BMPR1B: variants seen among roughly 807,000 people sequenced by gnomAD.
The protein encoded by BMPR1B is bone morphogenetic protein receptor type 1B.
Under a neutral mutation model 59.1 loss-of-function variants are expected in BMPR1B, and 12 were observed. The ratio of observed to expected loss-of-function variants is 0.20; its 90% CI spans 0.13 to 0.33. BMPR1B has a LOEUF of 0.33. Ranked by LOEUF, BMPR1B falls within the 10% of genes least tolerant of loss-of-function variation. BMPR1B has a pLI of 1.00. For synonymous variants in BMPR1B, 237 were observed against 207.3 expected (o/e 1.14, Z -1.23); for missense variants, 550 against 610.9 (o/e 0.90, Z 1.05).
intron 2 of BMPR1B, among the ~76,000 whole-genome samples, chr4:94,934,393 T>G (rs1379944787): frequency 6.6e-6 from 1 of 151,734 alleles, no homozygotes; most frequent in Admixed American, 6.6e-5. Context: ...TACACCAATC[T>G]ACCGCTGACT....
At chr4:95,149,614 G>A (rs573321890) in intron 11 of BMPR1B, among the ~76,000 whole-genome samples, 9 of 152,168 alleles carry the variant, frequency 5.9e-5, no homozygotes, top group Admixed American at 3.3e-4. Flanking sequence ...CACCTTTTAG[G>A]CAAGGAGCTG....
At chr4:94,875,466 C>T (rs561965124) in intron 1 of BMPR1B, among the ~76,000 whole-genome samples, 21 of 152,240 alleles carry the variant, frequency 1.4e-4, no homozygotes, top group East Asian at 9.7e-4. Context: ...GGGTGGATCA[C>T]GAGGTCAGGA....
At chr4:94,854,353 T>C (rs1725674590) in intron 1 of BMPR1B, among the ~76,000 whole-genome samples, 1 of 152,158 alleles carries the variant, frequency 6.6e-6, no homozygotes, top group African/African-American at 2.4e-5. Context: ...ATGAAGTAGA[T>C]AGATTCTTGT....
At chr4:94,827,898 C>T (rs1724440867) in intron 1 of BMPR1B, among the ~76,000 whole-genome samples, 1 of 152,162 alleles carries the variant, frequency 6.6e-6, no homozygotes, top group South Asian at 2.1e-4. Flanking sequence ...AAAGACATGT[C>T]ATCACCTAGT....
chr4:95,073,944 C>G (rs1728514310), intron 3 of BMPR1B, among the ~76,000 whole-genome samples: 1 of 152,156 alleles, frequency 6.6e-6, no homozygotes, highest in African/African-American at 2.4e-5. Flanking sequence ...AAACTTGCAT[C>G]TCTCTTTCCT....
intron 6 of BMPR1B, among the ~76,000 whole-genome samples, chr4:95,117,772 T>A (rs1732180060): frequency 6.6e-6 from 1 of 151,944 alleles, no homozygotes; most frequent in Non-Finnish European, 1.5e-5. Flanking sequence ...GGTGGCAGAA[T>A]GAGACACTCT....
At chr4:94,912,398 G>C (rs765682150) in intron 2 of BMPR1B, among the ~76,000 whole-genome samples, 2 of 152,142 alleles carry the variant, frequency 1.3e-5, no homozygotes, top group Admixed American at 1.3e-4. Flanking sequence ...GTTTTGCTCA[G>C]AGATTCAAGC....
At chr4:94,841,155 G>GCTCT (rs1447773015) in intron 1 of BMPR1B, among the ~76,000 whole-genome samples, 1 of 149,652 alleles carries the variant, frequency 6.7e-6, no homozygotes, top group Admixed American at 6.6e-5. Context: ...GAGAACCACT[G>GCTCT]CTCTCTTCAA....
chr4:94,983,054 GAACTT>G (rs746985317), intron 2 of BMPR1B, among the ~76,000 whole-genome samples: 1 of 151,854 alleles, frequency 6.6e-6, no homozygotes, highest in Non-Finnish European at 1.5e-5. Flanking sequence ...CTTAACCAAG[GAACTT>G]TCCATTAGCA....
intron 2 of BMPR1B, among the ~76,000 whole-genome samples, chr4:94,914,919 T>G (rs1728425746): frequency 6.6e-6 from 1 of 152,210 alleles, no homozygotes; most frequent in Non-Finnish European, 1.5e-5. Flanking sequence ...TGCATATATT[T>G]AAGTAGTAAT....
chr4:94,803,487 C>T (rs1723486147), intron 1 of BMPR1B, among the ~76,000 whole-genome samples: 1 of 152,170 alleles, frequency 6.6e-6, no homozygotes, highest in African/African-American at 2.4e-5. Flanking sequence ...GGAGAGTTGA[C>T]ACGTGTCTAC....
intron 3 of BMPR1B, chr4:95,091,636 T>C (rs768036551): frequency 7.0e-5 from 69 of 984,976 alleles, no homozygotes; most frequent in Non-Finnish European, 8.2e-5. Flanking sequence ...AAGTGAGTAG[T>C]GGGAGAAGCT....
intron 3 of BMPR1B, among the ~76,000 whole-genome samples, chr4:95,086,344 T>C (rs1183632315): frequency 2.6e-5 from 4 of 152,220 alleles, no homozygotes; most frequent in African/African-American, 9.6e-5. Context: ...GTTGCCATCT[T>C]TCTGTGCCAG....
At chr4:94,895,014 A>G (rs1325037739) in intron 2 of BMPR1B, among the ~76,000 whole-genome samples, 1 of 151,546 alleles carries the variant, frequency 6.6e-6, no homozygotes, top group African/African-American at 2.4e-5. Flanking sequence ...ACAGAAGAAT[A>G]ACAGTAGAGA....
rs17023047 is a variant in BMPR1B, at chr4:95,115,540, A to G, written c.247-145A>G. Reference sequence around the variant, plus strand: ...GGTAGCTTGAAATAAATTACCTTATAGAGGAGAACATATTTAAGGTGTTTG... The same window carrying G: ...GGTAGCTTGAAATAAATTACCTTATGGAGGAGAACATATTTAAGGTGTTTG... On this transcript the variant is annotated intron_variant, in intron 5 of 12. Transcript: ENST00000515059. 13,984 of 733,552 alleles carry G rather than the reference A, an allele frequency of 0.019. 189 individuals carry two copies. The highest frequency in any genetic ancestry group is 0.054 in the Middle Eastern group (209 of 3,862). 45.4% of individuals were successfully genotyped at this position (733,552 alleles called of 1,614,324 possible).
chr4:94,910,352 G>A (rs1323033775), intron 2 of BMPR1B, among the ~76,000 whole-genome samples: 1 of 151,910 alleles, frequency 6.6e-6, no homozygotes, highest in Non-Finnish European at 1.5e-5. Context: ...AGAATTAGAG[G>A]AAAAAATACA....
chr4:94,874,976 G>A (rs570329811), intron 1 of BMPR1B, among the ~76,000 whole-genome samples: 59 of 152,274 alleles, frequency 3.9e-4, no homozygotes, highest in African/African-American at 1.3e-3. Context: ...CTGGGCAACA[G>A]AGCGAGACAC....
intron 2 of BMPR1B, among the ~76,000 whole-genome samples, chr4:94,991,881 G>A (rs952464195): frequency 6.6e-6 from 1 of 152,142 alleles, no homozygotes; most frequent in Non-Finnish European, 1.5e-5. Flanking sequence ...GACAAGGTTC[G>A]AACCAGGAAA....
rs1215939344 is a variant in BMPR1B, at chr4:94,770,182, G to GTTTTTTTTTTTTTTTTTTTTT, written c.-183+12117_-183+12118insTTTTTTTTTTTTTTTTTTTTT. On this transcript the variant is annotated intron_variant, in intron 1 of 12. Coordinates refer to ENST00000515059, the MANE Select transcript of BMPR1B (RefSeq NM_001203.3). ...TGTTTGAATTGTCCTTCGTTTCTGT[G>GTTTTTTTTTTTTTTTTTTTTT]TTTGTTTTTTTTTTTTTTTTTTGCG... 8.8e-4 allele frequency among the ~76,000 whole-genome samples: 35 copies of GTTTTTTTTTTTTTTTTTTTTT among 39,992 alleles called. 3 individuals carry two copies. The highest frequency in any genetic ancestry group is 1.3e-3 in the Non-Finnish European group (27 of 20,550). The allele number at this position is 39,992 out of a possible 152,430, so 26.2% of individuals were successfully genotyped here.
Sources: allele counts gnomAD v4.1 joint callset (sites outside exome capture counted in the v4.1 genomes callset), GRCh38; gene constraint gnomAD v4.1.1; transcripts MANE v1.5; gene names NCBI Gene and HGNC (gene_info 2026-07-23, HGNC 2026-07-21).